Variants in SIPA1L3 observed in about 807,000 individuals in gnomAD.
The protein encoded by SIPA1L3 is signal induced proliferation associated 1 like 3.
Under a neutral mutation model 150.1 loss-of-function variants are expected in SIPA1L3, and 59 were observed. That is an observed-to-expected ratio of 0.39 (90% confidence interval 0.32 to 0.49). The LOEUF is 0.49. Ranked by LOEUF, SIPA1L3 falls within the 20% of genes least tolerant of loss-of-function variation. The pLI, the probability that SIPA1L3 is intolerant of heterozygous loss-of-function variation, is 0.86. For synonymous variants in SIPA1L3, 1,070 were observed against 1,077.6 expected (o/e 0.99, Z 0.14); for missense variants, 2,211 against 2,489.5 (o/e 0.89, Z 2.38).
Position 38,082,640 on chromosome 19 carries a change from A to T in SIPA1L3, c.1075A>T (p.Arg359Trp), listed in dbSNP as rs1298404539. 6.2e-7 allele frequency: 1 copy of T among 1,606,340 alleles called. No individual in the cohort carries two copies. The highest frequency in any genetic ancestry group is 1.3e-5 in the African/African-American group (1 of 74,886). ...CGACCTCAACGAGGCGGCCGCCAAC[A>T]GGGTGTCGGTGTCGCAGCGGCGGAA... ...LFDLNEAAAN[R>W]VSVSQRRNTT... Residue 359 changes from arginine (R) to tryptophan (W), a missense_variant, in exon 3 of 22, where the codon AGG (arginine) becomes TGG (tryptophan). By Grantham distance (101) the Arg-to-Trp change is moderately radical (BLOSUM62 -3). Transcript: ENST00000222345.
chr19:38,126,113 G>A (rs761535130), intron 9 of SIPA1L3, among the ~76,000 whole-genome samples: 1 of 152,114 alleles, frequency 6.6e-6, no homozygotes, highest in Non-Finnish European at 1.5e-5. Context: ...GGCGGAGGTT[G>A]CAGTGAGCCG....
chr19:37,956,631 A>T (rs2046814342), intron 1 of SIPA1L3, among the ~76,000 whole-genome samples: 1 of 151,560 alleles, frequency 6.6e-6, no homozygotes, highest in Non-Finnish European at 1.5e-5. Context: ...TTACATGCAC[A>T]CGCCACCATG....
rs1280818621 is a variant in SIPA1L3 at position 37,993,976 on chromosome 19, C to T, written c.-378-35113C>T. Among the ~76,000 whole-genome samples, 5 of 152,120 alleles carry T rather than the reference C, an allele frequency of 3.3e-5. No homozygotes were observed. The East Asian group carries it at 9.6e-4, about 29-fold the overall frequency. The stretch of plus-strand genomic sequence containing the variant: ...GTGGCACAATCATAGCTCACTGCAG[C>T]CAAGAATTCCTGGGCTCAAGCAATC... On this transcript the variant is annotated intron_variant, in intron 1 of 21. Coordinates refer to ENST00000222345, the MANE Select transcript of SIPA1L3 (RefSeq NM_015073.3).
At chr19:37,994,181 C>T (rs898709778) in intron 1 of SIPA1L3, among the ~76,000 whole-genome samples, 3 of 152,100 alleles carry the variant, frequency 2.0e-5, no homozygotes, top group Non-Finnish European at 2.9e-5. Context: ...GGATTACAGG[C>T]GTGAGCCATC....
Position 38,030,623 on chromosome 19 carries a change from A to AATATAT in SIPA1L3, c.-311+1490_-311+1495dup, listed in dbSNP as rs757828313. Among the ~76,000 whole-genome samples, 54 of 42,630 alleles carry AATATAT rather than the reference A, an allele frequency of 1.3e-3. No homozygotes were observed. The East Asian group carries it at 0.021, about 17-fold the overall frequency. The allele number at this position is 42,630 out of a possible 152,430, so 28.0% of individuals were successfully genotyped here. A position where few individuals can be genotyped will look rare whatever the true frequency, so the allele number is the denominator to read the frequency against. Reference sequence around the variant, plus strand: ...ATATTTTATATATATATATGTGGCAAATATATATATATATATATATATATA... The same window carrying AATATAT: ...ATATTTTATATATATATATGTGGCAAATATATATATATATATATATATATATATATA... On this transcript the variant is annotated intron_variant, in intron 2 of 21. Coordinates refer to ENST00000222345, the MANE Select transcript of SIPA1L3 (RefSeq NM_015073.3).
intron 13 of SIPA1L3, among the ~76,000 whole-genome samples, chr19:38,156,392 C>T (rs575613229): frequency 2.0e-5 from 3 of 151,504 alleles, no homozygotes; most frequent in East Asian, 1.9e-4. Flanking sequence ...AAGAAACTCA[C>T]CATTGCCCTT....
chr19:38,040,563 A>G (rs923080773), intron 2 of SIPA1L3, among the ~76,000 whole-genome samples: 1 of 152,216 alleles, frequency 6.6e-6, no homozygotes, highest in Admixed American at 6.5e-5. Context: ...CAGTGCGAAT[A>G]ATAAATGACA....
intron 1 of SIPA1L3, among the ~76,000 whole-genome samples, chr19:37,979,429 C>T (rs1356860627): frequency 1.3e-5 from 2 of 151,590 alleles, no homozygotes; most frequent in South Asian, 2.1e-4. Context: ...TGATGGCACA[C>T]ACCTGTAATC....
chr19:38,018,625 G>C (rs943062075), intron 1 of SIPA1L3, among the ~76,000 whole-genome samples: 1 of 152,030 alleles, frequency 6.6e-6, no homozygotes, highest in Non-Finnish European at 1.5e-5. Context: ...ATATTCCATT[G>C]TATGGAGGTA....
At chr19:38,065,403 C>A in intron 2 of SIPA1L3, among the ~76,000 whole-genome samples, 1 of 147,934 alleles carries the variant, frequency 6.8e-6, no homozygotes. Flanking sequence ...TTTTCCCTCA[C>A]ATGCTGACTT....
intron 2 of SIPA1L3, among the ~76,000 whole-genome samples, chr19:38,067,771 A>AAAG: frequency 6.7e-6 from 1 of 150,256 alleles, no homozygotes; most frequent in South Asian, 2.1e-4. Context: ...GAAAAAAAAA[A>AAAG]AAAGAAAGAA....
intron 1 of SIPA1L3, among the ~76,000 whole-genome samples, chr19:37,989,936 T>C (rs1967458882): frequency 6.6e-6 from 1 of 152,168 alleles, no homozygotes; most frequent in Non-Finnish European, 1.5e-5. Flanking sequence ...TGCTGGGGCC[T>C]GGCTGAGCCG....
At chr19:38,093,121 A>G (rs1215365035) in intron 4 of SIPA1L3, among the ~76,000 whole-genome samples, 1 of 152,022 alleles carries the variant, frequency 6.6e-6, no homozygotes, top group African/African-American at 2.4e-5. Context: ...AGCCTCCCAA[A>G]GTGCCGGGAT....
chr19:38,124,206 G>A (rs919152917), intron 9 of SIPA1L3, among the ~76,000 whole-genome samples: 2 of 151,484 alleles, frequency 1.3e-5, no homozygotes, highest in East Asian at 2.0e-4. Context: ...CTTCTCAGAC[G>A]GGGCAGCTGC....
At chr19:38,062,485 C>T (rs2145782382) in intron 2 of SIPA1L3, among the ~76,000 whole-genome samples, 1 of 152,306 alleles carries the variant, frequency 6.6e-6, no homozygotes, top group South Asian at 2.1e-4. Flanking sequence ...TCAGTGGAGC[C>T]AGGTTTGAGG....
At chr19:37,994,088 A>G (rs1257999841) in intron 1 of SIPA1L3, among the ~76,000 whole-genome samples, 1 of 151,886 alleles carries the variant, frequency 6.6e-6, no homozygotes, top group African/African-American at 2.4e-5. Context: ...TTTTATAGAG[A>G]TGTGGGTCTC....
At position 38,046,340 on chromosome 19, in the gene SIPA1L3, G is replaced by C. The variant is rs996133843; in HGVS notation, c.-311+17184G>C. Among the ~76,000 whole-genome samples the C allele has an allele frequency of 1.3e-5, 2 of 152,152 alleles. No homozygotes were observed. The highest frequency in any genetic ancestry group is 4.8e-5 in the African/African-American group (2 of 41,420). ...ATGGCCTCATTTCCTCTCAGGCCCA[G>C]CGCTGCCAGCAGCCTGTCCCCCCTC... On this transcript the variant is annotated intron_variant, in intron 2 of 21. Coordinates refer to ENST00000222345, the MANE Select transcript of SIPA1L3 (RefSeq NM_015073.3). The surrounding 1 kb of genome is among the most constrained non-coding windows in gnomAD (Gnocchi z 5.6).
chr19:38,136,341 C>T (rs541023385), intron 10 of SIPA1L3, among the ~76,000 whole-genome samples: 1 of 152,058 alleles, frequency 6.6e-6, no homozygotes, highest in East Asian at 1.9e-4. Flanking sequence ...CAGTGGCTCA[C>T]ACCTATAATC....
chr19:38,133,406 T>G (rs1971359928), intron 10 of SIPA1L3, among the ~76,000 whole-genome samples: 1 of 152,210 alleles, frequency 6.6e-6, no homozygotes, highest in Non-Finnish European at 1.5e-5. Context: ...CAGTAACCGT[T>G]TAGTTACCCT....
Sources: allele counts gnomAD v4.1 joint callset (sites outside exome capture counted in the v4.1 genomes callset), GRCh38; gene constraint gnomAD v4.1.1; non-coding constraint Gnocchi (gnomAD v3.1); transcripts MANE v1.5; gene names NCBI Gene and HGNC (gene_info 2026-07-23, HGNC 2026-07-21).